Variants in L3MBTL4 observed in about 807,000 individuals in gnomAD.
L3MBTL4 encodes lethal(3)malignant brain tumor-like protein 4.
In L3MBTL4, 70 loss-of-function variants were observed where a neutral mutation model predicts 84.5. The observed-to-expected ratio is 0.83, with a 90% confidence interval of 0.68 to 1.01. The LOEUF (loss-of-function observed/expected upper bound fraction) is 1.01, where lower values mean the gene tolerates loss of function less well. Ranked by LOEUF, L3MBTL4 falls within the 50% of genes least tolerant of loss-of-function variation. The probability of loss-of-function intolerance (pLI) is 0.00; values close to 1 mark genes in which losing one functional copy is unlikely to be tolerated. For synonymous variants in L3MBTL4, 274 were observed against 259.8 expected (o/e 1.05, Z -0.52); for missense variants, 715 against 754.8 (o/e 0.95, Z 0.62).
At chr18:6,306,374 A>G (rs1464151514) in intron 3 of L3MBTL4, among the ~76,000 whole-genome samples, 1 of 152,220 alleles carries the variant, frequency 6.6e-6, no homozygotes, top group Non-Finnish European at 1.5e-5. Context: ...AAATCTCTCT[A>G]AAGTGTTTGC....
rs963277344 is a variant in L3MBTL4, at chr18:6,163,632, T to C, written c.1096+8196A>G. ...ATTACCTGTCTGTGAATACACAAAA[T>C]ACACATCTTGTAATACTGCCAACAA... On this transcript the variant is annotated intron_variant, in intron 13 of 18. Transcript: ENST00000317931. Among the ~76,000 whole-genome samples the C allele has an allele frequency of 3.3e-5, 5 of 152,122 alleles. No individual in the cohort carries two copies. The East Asian group carries it at 7.7e-4, about 23-fold the overall frequency.
intron 13 of L3MBTL4, among the ~76,000 whole-genome samples, chr18:6,159,514 C>G (rs1010764159): frequency 6.6e-6 from 1 of 152,206 alleles, no homozygotes; most frequent in Non-Finnish European, 1.5e-5. Context: ...CGAAACACCT[C>G]TCCTGCATCT....
At chr18:6,193,878 G>A (rs1488941421) in intron 12 of L3MBTL4, among the ~76,000 whole-genome samples, 2 of 152,288 alleles carry the variant, frequency 1.3e-5, no homozygotes, top group South Asian at 2.1e-4. Flanking sequence ...CCTAACTTGA[G>A]CTATTTGACC....
chr18:6,402,394 G>C (rs1028395595), intron 1 of L3MBTL4, among the ~76,000 whole-genome samples: 1 of 152,096 alleles, frequency 6.6e-6, no homozygotes, highest in Non-Finnish European at 1.5e-5. Context: ...AAGCATCTAT[G>C]ATTTAATAAA....
chr18:6,349,795 G>A (rs2053091806), intron 1 of L3MBTL4, among the ~76,000 whole-genome samples: 1 of 152,176 alleles, frequency 6.6e-6, no homozygotes, highest in Non-Finnish European at 1.5e-5. Flanking sequence ...CTGAGGGAGA[G>A]TAATCACCTG....
intron 14 of L3MBTL4, among the ~76,000 whole-genome samples, chr18:6,133,242 G>A (rs1346166389): frequency 1.3e-5 from 2 of 152,044 alleles, no homozygotes; most frequent in African/African-American, 4.8e-5. Context: ...AGTCACAAGG[G>A]CTGCTGAGCA....
chr18:6,394,649 T>C (rs1045260203), intron 1 of L3MBTL4, among the ~76,000 whole-genome samples: 3 of 152,066 alleles, frequency 2.0e-5, no homozygotes, highest in African/African-American at 7.2e-5. Context: ...AGGCACCCAA[T>C]AATTATTTGT....
chr18:6,126,423 G>A (rs2144423612), intron 14 of L3MBTL4, among the ~76,000 whole-genome samples: 1 of 152,236 alleles, frequency 6.6e-6, no homozygotes, highest in South Asian at 2.1e-4. Context: ...CTTAATCAAT[G>A]TACTGCTCTT....
chr18:6,212,519 T>C (rs773420091), intron 12 of L3MBTL4, among the ~76,000 whole-genome samples: 17 of 152,136 alleles, frequency 1.1e-4, no homozygotes, highest in Non-Finnish European at 2.2e-4. Flanking sequence ...CTGAGAAAAA[T>C]ACAGTATAGA....
At chr18:6,076,358 A>G (rs2057854979) in intron 16 of L3MBTL4, among the ~76,000 whole-genome samples, 1 of 152,246 alleles carries the variant, frequency 6.6e-6, no homozygotes, top group Admixed American at 6.5e-5. Flanking sequence ...AAAAGTGTAC[A>G]TAACATCTGA....
intron 1 of L3MBTL4, among the ~76,000 whole-genome samples, chr18:6,412,876 GCTTA>G (rs1246774476): frequency 6.6e-6 from 1 of 151,538 alleles, no homozygotes; most frequent in Non-Finnish European, 1.5e-5. Context: ...AAATATGCAA[GCTTA>G]CTTCTCTTTA....
intron 10 of L3MBTL4, among the ~76,000 whole-genome samples, chr18:6,227,774 C>T (rs1343614647): frequency 1.3e-5 from 2 of 152,138 alleles, no homozygotes; most frequent in African/African-American, 2.4e-5. Context: ...TGGGCTCAAG[C>T]GATCCTCCCA....
chr18:6,412,101 C>T (rs969750729), intron 1 of L3MBTL4, among the ~76,000 whole-genome samples: 1 of 152,082 alleles, frequency 6.6e-6, no homozygotes, highest in African/African-American at 2.4e-5. Flanking sequence ...AGGTATTAAG[C>T]CTAGTATCCA....
At chr18:6,253,433 T>A (rs1367421560) in intron 5 of L3MBTL4, among the ~76,000 whole-genome samples, 1 of 152,134 alleles carries the variant, frequency 6.6e-6, no homozygotes, top group Non-Finnish European at 1.5e-5. Context: ...CCTCAGCCAG[T>A]GCAAGTAGGA....
chr18:6,401,217 T>C (rs548047946), intron 1 of L3MBTL4, among the ~76,000 whole-genome samples: 116 of 152,268 alleles, frequency 7.6e-4, no homozygotes, highest in African/African-American at 2.6e-3. Context: ...AATAATAAAA[T>C]GATCGTATTC....
chr18:5,995,708 T>TA (rs1228563371), intron 16 of L3MBTL4, among the ~76,000 whole-genome samples: 2 of 152,170 alleles, frequency 1.3e-5, no homozygotes, highest in African/African-American at 4.8e-5. Flanking sequence ...ACTCGTGCAG[T>TA]AAAATGACAG....
chr18:6,182,633 G>A (rs1428584040), intron 12 of L3MBTL4, among the ~76,000 whole-genome samples: 1 of 152,276 alleles, frequency 6.6e-6, no homozygotes, highest in South Asian at 2.1e-4. Context: ...ATACGGAATA[G>A]TATTTCCTAG....
chr18:6,040,818 T>C (rs111991412), intron 16 of L3MBTL4, among the ~76,000 whole-genome samples: 154 of 152,292 alleles, frequency 1.0e-3, no homozygotes, highest in African/African-American at 3.5e-3. Flanking sequence ...ATCCTGCCAT[T>C]CCCATGGCTG....
chr18:6,113,912 T>G (rs557756656), intron 14 of L3MBTL4, among the ~76,000 whole-genome samples: 1 of 152,354 alleles, frequency 6.6e-6, no homozygotes, highest in African/African-American at 2.4e-5. Context: ...TCATCACTGA[T>G]GTTTGTCCAC....
Sources: allele counts gnomAD v4.1 joint callset (sites outside exome capture counted in the v4.1 genomes callset), GRCh38; gene constraint gnomAD v4.1.1; transcripts MANE v1.5; gene names NCBI Gene and HGNC (gene_info 2026-07-23, HGNC 2026-07-21).